Variants in MYO1F observed in about 807,000 individuals in gnomAD.
MYO1F encodes the protein unconventional myosin-If.
MYO1F carries 60 observed loss-of-function variants against 146.6 expected under a neutral mutation model. That is an observed-to-expected ratio of 0.41 (90% CI 0.33 to 0.51). The LOEUF is 0.51. Ranked by LOEUF, MYO1F falls within the 20% of genes least tolerant of loss-of-function variation. The probability of loss-of-function intolerance (pLI) is 0.25; values close to 1 mark genes in which losing one functional copy is unlikely to be tolerated. For missense variants in MYO1F, 1,274 were observed against 1,534.3 expected, an observed-to-expected ratio of 0.83 and a Z score of 2.83; for synonymous variants, 602 against 602.1, an observed-to-expected ratio of 1.00 and a Z score of 0.00.
Position 8,564,295 on chromosome 19 carries a change from C to T in MYO1F, c.4-8499G>A, listed in dbSNP as rs532304480. ...ACTTGGGAGGCTGAGGCAGGAGAAT[C>T]GCTTGAACCCAGGAGGCAGAGGTTG... is the stretch of plus-strand genomic sequence containing the variant. On this transcript the variant is annotated intron_variant, in intron 1 of 27. Coordinates refer to ENST00000644032, the MANE Select transcript of MYO1F (RefSeq NM_012335.4). 8.5e-5 allele frequency among the ~76,000 whole-genome samples: 13 copies of T among 152,140 alleles called. No homozygotes were observed. The East Asian group carries it at 1.9e-3, about 23-fold the overall frequency.
chr19:8,571,575 C>T lies in MYO1F; in HGVS notation c.3+5732G>A, dbSNP rs560400072. Among the ~76,000 whole-genome samples the T allele has an allele frequency of 5.6e-3, 804 of 142,382 alleles. 5 individuals carry two copies. The highest frequency in any genetic ancestry group is 0.017 in the African/African-American group (682 of 39,430). 93.4% of individuals were successfully genotyped at this position (142,382 alleles called of 152,430 possible). ...GACTACAGGCGCCCGCCACCGCGCC[C>T]GGCTAATTTTTTTTTTGTATTTTTG... On this transcript the variant is annotated intron_variant, in intron 1 of 27. Transcript: ENST00000644032.
chr19:8,577,386 G>C lies in MYO1F; in HGVS notation c.-77C>G, dbSNP rs1555734113. The C allele has an allele frequency of 6.4e-7, 1 of 1,551,132 alleles. No individual in the cohort carries two copies. Among genetic ancestry groups the C allele is most frequent in the Non-Finnish European group, 8.9e-7 (1 of 1,125,404 alleles). On this transcript the variant is annotated 5_prime_UTR_variant, in exon 1 of 28. Transcript: ENST00000644032. This position sits in a 1 kb window ranked among gnomAD's most constrained non-coding sequence, Gnocchi z 4.3. ...GAGGTGCAGGTTCAGGGGGATCTTGGGGGTGGCTTGGGCATGGCCCTGCTT... is the reference window on the plus strand; with the variant it reads ...GAGGTGCAGGTTCAGGGGGATCTTGCGGGTGGCTTGGGCATGGCCCTGCTT...
chr19:8,571,254 C>T (rs79007509), intron 1 of MYO1F, among the ~76,000 whole-genome samples: 222 of 152,342 alleles, frequency 1.5e-3, no homozygotes, highest in African/African-American at 5.2e-3. Flanking sequence ...CAGACCCTGC[C>T]CTGGTGCCTG....
intron 19 of MYO1F, among the ~76,000 whole-genome samples, chr19:8,533,620 G>A (rs1164528599): frequency 6.6e-6 from 1 of 151,882 alleles, no homozygotes; most frequent in Non-Finnish European, 1.5e-5. Flanking sequence ...GCCTCCCAAA[G>A]TGCTGGGAAT....
rs1568363638 is a variant in MYO1F, at chr19:8,555,805, T to C, written c.4-9A>G. 6.2e-7 allele frequency: 1 copy of C among 1,609,232 alleles called. No homozygotes were observed. Among genetic ancestry groups the C allele is most frequent in the Admixed American group, 1.7e-5 (1 of 59,886 alleles). On this transcript the variant is annotated splice_polypyrimidine_tract_variant and intron_variant, in intron 1 of 27. Coordinates refer to ENST00000644032, the MANE Select transcript of MYO1F (RefSeq NM_012335.4). ...AAGCGCTCCTTGCTGCCCTGGGGGG[T>C]GAGAGGGGGGTCGGGGTGAGCCCTT...
chr19:8,521,530 A>G lies in MYO1F; in HGVS notation c.3295T>C (p.Ter1099ArgextTer85). ...LFPGNYVEKI[*>R] is the part of the protein sequence containing the mutation. The stretch of plus-strand genomic sequence containing the variant: ...AAGGCAGTATCCCAGGGCCCAGCTC[A>G]GATCTTCTCCACGTAGTTTCCTGGG... Residue 1099 changes from the stop codon to arginine (R), a stop_lost, in exon 28 of 28, where the codon TGA becomes CGA. Coordinates refer to ENST00000644032, the MANE Select transcript of MYO1F (RefSeq NM_012335.4). 6.2e-7 allele frequency: 1 copy of G among 1,614,058 alleles called. No homozygotes were observed. Among genetic ancestry groups the G allele is most frequent in the Admixed American group, 1.7e-5 (1 of 60,006 alleles).
intron 1 of MYO1F, 117 bp from the exon 2 acceptor site, chr19:8,555,913 C>A: frequency 9.2e-7 from 1 of 1,092,774 alleles, no homozygotes; most frequent in Non-Finnish European, 1.3e-6. Flanking sequence ...TCCATTCCTC[C>A]TTCCCCATCT....
At chr19:8,552,699 T>G (rs368908985) in intron 6 of MYO1F, among the ~76,000 whole-genome samples, 1 of 151,722 alleles carries the variant, frequency 6.6e-6, no homozygotes, top group Non-Finnish European at 1.5e-5. Context: ...TAGATTTTTT[T>G]CCCCCCCAGG....
intron 25 of MYO1F, among the ~76,000 whole-genome samples, chr19:8,524,082 G>A (rs1972165958): frequency 8.7e-6 from 1 of 114,312 alleles, no homozygotes; most frequent in African/African-American, 3.4e-5. Context: ...TCACGCCACT[G>A]CACTCCAGCC....
intron 2 of MYO1F, among the ~76,000 whole-genome samples, chr19:8,555,161 A>G (rs1390803987): frequency 6.6e-6 from 1 of 151,466 alleles, no homozygotes; most frequent in East Asian, 1.9e-4. Flanking sequence ...CAGCCTGGGC[A>G]ACAAGAGCCA....
At chr19:8,561,320 A>G (rs968149568) in intron 1 of MYO1F, among the ~76,000 whole-genome samples, 6 of 150,946 alleles carry the variant, frequency 4.0e-5, no homozygotes, top group African/African-American at 1.5e-4. Flanking sequence ...AACCCCTCAC[A>G]CTGCTCCTGG....
intron 18 of MYO1F, 26 bp from the exon 19 acceptor site, chr19:8,536,422 G>T (rs1481383981): frequency 6.2e-7 from 1 of 1,608,628 alleles, no homozygotes; most frequent in Non-Finnish European, 8.5e-7. Flanking sequence ...TGGGGTGTGG[G>T]AGTGCTCATA....
rs1043462304 is a variant in MYO1F at position 8,530,842 on chromosome 19, C to T, written c.2044-269G>A. Among the ~76,000 whole-genome samples the T allele has an allele frequency of 7.2e-5, 11 of 152,252 alleles. No individual in the cohort carries two copies. Among genetic ancestry groups the T allele is most frequent in the Admixed American group, 2.6e-4 (4 of 15,278 alleles). ...ATCACCTGAGGTCAGGAGTTTGAGA[C>T]GAGCCTGACCGACATAGTGAAACCC... is the stretch of plus-strand genomic sequence containing the variant. On this transcript the variant is annotated intron_variant, in intron 19 of 27. Transcript: ENST00000644032. This position sits in a 1 kb window ranked among gnomAD's most constrained non-coding sequence, Gnocchi z 5.8.
rs367686773 is a variant in MYO1F at position 8,539,961 on chromosome 19, C to T, written c.1678G>A (p.Gly560Ser). 3.9e-5 allele frequency: 63 copies of T among 1,612,462 alleles called. No individual in the cohort carries two copies. Among genetic ancestry groups the T allele is most frequent in the Non-Finnish European group, 4.7e-5 (55 of 1,179,268 alleles). ...CCCAGGCCCACCTTGATCTTGGAGC[C>T]GGCGGTGCTGGGGCGCCCCTTCTTG... ...GDKKGRPSTA[G>S]SKIKKQANDL... is the part of the protein sequence containing the mutation. Residue 560 changes from glycine (G) to serine (S), a missense_variant, in exon 16 of 28, where the codon GGC becomes AGC. Physicochemically the swap from Gly to Ser is moderately conservative, Grantham distance 56 (BLOSUM62 0). This residue lies in a region of MYO1F where 900 missense variants were observed against 1,155.1 expected (regional missense o/e 0.78). Coordinates refer to ENST00000644032, the MANE Select transcript of MYO1F (RefSeq NM_012335.4).
intron 1 of MYO1F, among the ~76,000 whole-genome samples, chr19:8,561,790 C>T (rs1974145005): frequency 1.3e-5 from 2 of 151,240 alleles, no homozygotes; most frequent in South Asian, 4.2e-4. Context: ...GATCTTGGCT[C>T]ACTGCAAAAT....
chr19:8,556,714 C>A lies in MYO1F; in HGVS notation c.4-918G>T, dbSNP rs544651859. ...ACCAGTCTGATCAATATGGAGAAAC[C>A]CCGTCTATACTAAAAATACAAAATT... On this transcript the variant is annotated intron_variant, in intron 1 of 27. Coordinates refer to ENST00000644032, the MANE Select transcript of MYO1F (RefSeq NM_012335.4). 9.3e-4 allele frequency among the ~76,000 whole-genome samples: 141 copies of A among 151,070 alleles called. No individual in the cohort carries two copies. In the Middle Eastern group the frequency reaches 0.01, roughly 11 times the overall value.
In MYO1F at chr19:8,544,526, G is replaced by A. The variant is rs569851138; in HGVS notation, c.1357-62C>T. 3.2e-5 allele frequency: 49 copies of A among 1,527,988 alleles called. No homozygotes were observed. In the South Asian group the frequency reaches 3.4e-4, roughly 11 times the overall value. 94.7% of individuals were successfully genotyped at this position (1,527,988 alleles called of 1,614,324 possible). Reference sequence around the variant, plus strand: ...GGTCTGCCTTGCCTCCCCACAGCTCGTCAGTGCAGAGATTAGGGGAGGGAG... The same window carrying A: ...GGTCTGCCTTGCCTCCCCACAGCTCATCAGTGCAGAGATTAGGGGAGGGAG... On this transcript the variant is annotated intron_variant, in intron 13 of 27. Coordinates refer to ENST00000644032, the MANE Select transcript of MYO1F (RefSeq NM_012335.4).
At chr19:8,561,794 G>A (rs999671070) in intron 1 of MYO1F, among the ~76,000 whole-genome samples, 135 of 150,820 alleles carry the variant, frequency 9.0e-4, no homozygotes, top group African/African-American at 3.2e-3. Context: ...TTGGCTCACT[G>A]CAAAATCTAC....
chr19:8,526,949 G>T lies in MYO1F; in HGVS notation c.2475-14C>A. On this transcript the variant is annotated splice_polypyrimidine_tract_variant and intron_variant, in intron 22 of 27. Transcript: ENST00000644032. ...TCCTGTCGCGTGCTGGGGAGGGGCG[G>T]GTGAGAGCGTCAGGTGGGACACAGG... 1 of 1,613,430 alleles carries T rather than the reference G, an allele frequency of 6.2e-7. No individual in the cohort carries two copies.
Sources: allele counts gnomAD v4.1 joint callset (sites outside exome capture counted in the v4.1 genomes callset), GRCh38; gene constraint gnomAD v4.1.1; regional missense constraint gnomAD v4.1.1; non-coding constraint Gnocchi (gnomAD v3.1); transcripts MANE v1.5; gene names NCBI Gene and HGNC (gene_info 2026-07-23, HGNC 2026-07-21).